The following FHOD3 variants were observed in gnomAD, a reference collection of about 807,000 sequenced individuals.
FHOD3 encodes the protein formin homology 2 domain containing 3.
A neutral mutation model predicts 173.0 loss-of-function variants in FHOD3; 90 were observed. That is an observed-to-expected ratio of 0.52 (90% CI 0.44 to 0.62). The LOEUF is 0.62. Ranked by LOEUF, FHOD3 falls within the 20% of genes least tolerant of loss-of-function variation. The pLI is 0.00. For synonymous variants in FHOD3, 828 were observed against 823.0 expected, an observed-to-expected ratio of 1.01 and a Z score of -0.10; for missense variants, 1,945 against 2,034.7, an observed-to-expected ratio of 0.96 and a Z score of 0.85.
chr18:36,515,252 C>G (rs949740019), intron 5 of FHOD3, among the ~76,000 whole-genome samples: 1 of 152,318 alleles, frequency 6.6e-6, no homozygotes, highest in African/African-American at 2.4e-5. Flanking sequence ...GAGTCTCGCT[C>G]TGTCACCCAG....
intron 1 of FHOD3, among the ~76,000 whole-genome samples, chr18:36,318,934 G>C (rs989841403): frequency 1.3e-5 from 2 of 152,114 alleles, no homozygotes; most frequent in Admixed American, 1.3e-4. Flanking sequence ...TAGCAGGAAG[G>C]GCTGTTGAAT....
intron 6 of FHOD3, among the ~76,000 whole-genome samples, chr18:36,592,708 G>A (rs1169141943): frequency 6.6e-6 from 1 of 152,184 alleles, no homozygotes; most frequent in Non-Finnish European, 1.5e-5. Context: ...TGAGGGAAGT[G>A]CAGGCAAACC....
intron 17 of FHOD3, among the ~76,000 whole-genome samples, chr18:36,702,080 C>G (rs1490168240): frequency 6.6e-6 from 1 of 152,194 alleles, no homozygotes; most frequent in Non-Finnish European, 1.5e-5. Flanking sequence ...TTTTGTGAAG[C>G]TGAGTTTGTG....
At position 36,575,664 on chromosome 18, in the gene FHOD3, G is replaced by A. The variant is rs528763462; in HGVS notation, c.512-787G>A. ...GAAATATGATTAGGAGCTTAGATGT[G>A]ACTGGTGGAGTCCTCCTTCCTTTAG... On this transcript the variant is annotated intron_variant, in intron 5 of 28. Transcript: ENST00000590592. Among the ~76,000 whole-genome samples, 13 of 152,296 alleles carry A rather than the reference G, an allele frequency of 8.5e-5. No individual in the cohort carries two copies. In the South Asian group the frequency reaches 1.9e-3, roughly 22 times the overall value.
intron 5 of FHOD3, among the ~76,000 whole-genome samples, chr18:36,575,213 C>T (rs1447208703): frequency 1.3e-5 from 2 of 152,188 alleles, no homozygotes; most frequent in Non-Finnish European, 2.9e-5. Context: ...TCATGTGATC[C>T]ACCTGCCTTG....
At chr18:36,644,357 A>G (rs756641157) in intron 10 of FHOD3, among the ~76,000 whole-genome samples, 1 of 152,262 alleles carries the variant, frequency 6.6e-6, no homozygotes, top group Non-Finnish European at 1.5e-5. Context: ...TTATTAGCAT[A>G]AAAATCATTT....
At chr18:36,453,502 G>A (rs1310481331) in intron 3 of FHOD3, among the ~76,000 whole-genome samples, 1 of 152,212 alleles carries the variant, frequency 6.6e-6, no homozygotes, top group African/African-American at 2.4e-5. Flanking sequence ...ATGCCCCTAC[G>A]TGCTCTGCGC....
chr18:36,557,792 T>A (rs554560016), intron 5 of FHOD3, among the ~76,000 whole-genome samples: 2 of 152,344 alleles, frequency 1.3e-5, no homozygotes, highest in Admixed American at 1.3e-4. Flanking sequence ...TTGTACTTAT[T>A]GCATGCTGAT....
At chr18:36,475,414 A>G (rs972959979) in intron 3 of FHOD3, among the ~76,000 whole-genome samples, 1 of 142,716 alleles carries the variant, frequency 7.0e-6, no homozygotes, top group African/African-American at 2.6e-5. Flanking sequence ...TGTGACTGCC[A>G]TTCCTCACTG....
chr18:36,382,935 G>A (rs2047864470), intron 3 of FHOD3, among the ~76,000 whole-genome samples: 1 of 152,222 alleles, frequency 6.6e-6, no homozygotes, highest in Non-Finnish European at 1.5e-5. Flanking sequence ...CAGTGCTGTG[G>A]AAATCTGTCT....
chr18:36,716,761 G>A (rs1042034728), intron 18 of FHOD3, among the ~76,000 whole-genome samples: 1 of 152,140 alleles, frequency 6.6e-6, no homozygotes, highest in African/African-American at 2.4e-5. Context: ...CCTTTGACTG[G>A]GTCCAAGAGA....
chr18:36,765,964 A>T (rs763481173), intron 27 of FHOD3, among the ~76,000 whole-genome samples: 11 of 152,144 alleles, frequency 7.2e-5, no homozygotes, highest in Non-Finnish European at 1.5e-4. Context: ...ATATCAACCA[A>T]CATATTTAAG....
intron 13 of FHOD3, among the ~76,000 whole-genome samples, chr18:36,654,731 C>T (rs1323489256): frequency 6.6e-6 from 1 of 152,192 alleles, no homozygotes; most frequent in East Asian, 1.9e-4. Flanking sequence ...AAAGCTCCGT[C>T]TTCTCCCTCC....
At position 36,437,665 on chromosome 18, in the gene FHOD3, C is replaced by CTTTTTTTTTTTT. The variant is rs1555704498; in HGVS notation, c.338-64261_338-64250dup. On this transcript the variant is annotated intron_variant, in intron 3 of 28. Transcript: ENST00000590592. The stretch of plus-strand genomic sequence containing the variant: ...CATTGAGCTTCTGGTTTCTTTCTTT[C>CTTTTTTTTTTTT]TTTTTTTTTTTTTTTTTAAGACAGA... Among the ~76,000 whole-genome samples the CTTTTTTTTTTTT allele has an allele frequency of 1.7e-4, 12 of 69,464 alleles. 1 individual carries two copies. Among genetic ancestry groups the CTTTTTTTTTTTT allele is most frequent in the African/African-American group, 4.9e-4 (11 of 22,272 alleles). 45.6% of individuals were successfully genotyped at this position (69,464 alleles called of 152,430 possible).
chr18:36,580,492 C>T (rs1227091788), intron 6 of FHOD3, among the ~76,000 whole-genome samples: 1 of 152,186 alleles, frequency 6.6e-6, no homozygotes, highest in East Asian at 1.9e-4. Context: ...CACAGCCCAT[C>T]CCACTAACTG....
At chr18:36,501,127 A>C (rs940248523) in intron 3 of FHOD3, among the ~76,000 whole-genome samples, 1 of 152,160 alleles carries the variant, frequency 6.6e-6, no homozygotes, top group African/African-American at 2.4e-5. Context: ...GGTCTAACTC[A>C]TATATTTGAA....
chr18:36,529,024 A>G (rs2056661045), intron 5 of FHOD3, among the ~76,000 whole-genome samples: 1 of 152,218 alleles, frequency 6.6e-6, no homozygotes, highest in South Asian at 2.1e-4. Context: ...AGATATCACT[A>G]TCATTTGCTA....
Position 36,660,103 on chromosome 18 carries a change from T to C in FHOD3, c.1835+1915T>C, listed in dbSNP as rs562139258. ...AACCAACATGGTGAACCCCCGTCTCTACTAAAAATACAAAACTTAGCCGAG... is the reference window on the plus strand; with the variant it reads ...AACCAACATGGTGAACCCCCGTCTCCACTAAAAATACAAAACTTAGCCGAG... On this transcript the variant is annotated intron_variant, in intron 14 of 28. Coordinates refer to ENST00000590592, the MANE Select transcript of FHOD3 (RefSeq NM_001281740.3). 3.9e-5 allele frequency among the ~76,000 whole-genome samples: 6 copies of C among 152,242 alleles called. No individual in the cohort carries two copies. The South Asian group carries it at 8.3e-4, about 21-fold the overall frequency.
rs191410875 is a variant in FHOD3 at position 36,637,028 on chromosome 18, T to G, written c.1196+11279T>G. Among the ~76,000 whole-genome samples, 21 of 152,344 alleles carry G rather than the reference T, an allele frequency of 1.4e-4. No homozygotes were observed. The East Asian group carries it at 3.7e-3, about 27-fold the overall frequency. On this transcript the variant is annotated intron_variant, in intron 10 of 28. Transcript: ENST00000590592. ...GTACCTTGGACTCTACCTTTGTTTT[T>G]GTTTGCATTTATGGACTTGGGTCCA...
Sources: allele counts gnomAD v4.1 joint callset (sites outside exome capture counted in the v4.1 genomes callset), GRCh38; gene constraint gnomAD v4.1.1; transcripts MANE v1.5; gene names NCBI Gene and HGNC (gene_info 2026-07-23, HGNC 2026-07-21).